KDM4C: variants seen among roughly 807,000 people sequenced by gnomAD.
The protein encoded by KDM4C is lysine-specific demethylase 4C.
A neutral mutation model predicts 129.3 loss-of-function variants in KDM4C; 81 were observed. The observed-to-expected ratio is 0.63, with a 90% CI of 0.52 to 0.75. The LOEUF (loss-of-function observed/expected upper bound fraction) is 0.75, where lower values mean the gene tolerates loss of function less well. Among genes scored for constraint, KDM4C ranks in the 30% least tolerant of loss-of-function variants. KDM4C has a pLI of 0.00. For synonymous variants in KDM4C, 573 were observed against 456.1 expected (o/e 1.26, Z -3.26); for missense variants, 1,457 against 1,304.0 (o/e 1.12, Z -1.81).
chr9:6,878,805 A>C (rs890558855), intron 5 of KDM4C, among the ~76,000 whole-genome samples: 16 of 140,878 alleles, frequency 1.1e-4, no homozygotes, highest in African/African-American at 2.9e-5. Flanking sequence ...CCCCACACCC[A>C]CACCCACACC....
chr9:6,849,408 A>G lies in KDM4C; in HGVS notation c.436-99A>G, dbSNP rs773315246. The G allele has an allele frequency of 1.4e-4, 131 of 960,720 alleles. No individual in the cohort carries two copies. The African/African-American group carries it at 1.4e-3, about 11-fold the overall frequency. 59.5% of individuals were successfully genotyped at this position (960,720 alleles called of 1,614,324 possible). A position where few individuals can be genotyped will look rare whatever the true frequency, so the allele number is the denominator to read the frequency against. On this transcript the variant is annotated intron_variant, in intron 4 of 21. Coordinates refer to ENST00000381309, the MANE Select transcript of KDM4C (RefSeq NM_015061.6). ...AGTTTTCAGTTAGTTAGAATATACA[A>G]TGTAATAATTTTGGTGGATAGTGGT...
rs6477164 is a variant in KDM4C, at chr9:7,143,521, G to A, written c.2781+15285G>A. On this transcript the variant is annotated intron_variant, in intron 19 of 21. Transcript: ENST00000381309. ...CCACAGTTGCGTGCATCAGTAAAGC[G>A]AAATTTACCACCCTCCTTTTATGTG... Among the ~76,000 whole-genome samples, 202 of 152,294 alleles carry A rather than the reference G, an allele frequency of 1.3e-3. 1 individual carries two copies. Among genetic ancestry groups the A allele is most frequent in the African/African-American group, 4.5e-3 (187 of 41,552 alleles).
chr9:6,855,045 A>G (rs968052704), intron 5 of KDM4C, among the ~76,000 whole-genome samples: 9 of 152,344 alleles, frequency 5.9e-5, no homozygotes, highest in Admixed American at 5.2e-4. Flanking sequence ...TGGAGATGTA[A>G]CACAGTGCTC....
intron 8 of KDM4C, among the ~76,000 whole-genome samples, chr9:6,906,332 G>T (rs1052139799): frequency 1.3e-5 from 2 of 152,178 alleles, no homozygotes; most frequent in Admixed American, 1.3e-4. Context: ...ACTCCACAGG[G>T]TAAACCTCTC....
At chr9:6,930,375 T>C (rs1465624162) in intron 8 of KDM4C, among the ~76,000 whole-genome samples, 1 of 152,142 alleles carries the variant, frequency 6.6e-6, no homozygotes, top group Non-Finnish European at 1.5e-5. Flanking sequence ...TATTTTGTAA[T>C]GAGCACCTAA....
intron 3 of KDM4C, among the ~76,000 whole-genome samples, chr9:6,813,776 A>G (rs1272839339): frequency 6.6e-6 from 1 of 152,150 alleles, no homozygotes; most frequent in Non-Finnish European, 1.5e-5. Context: ...TTTCTTTCTA[A>G]TGACTTAATA....
chr9:6,887,863 C>G (rs1845527680), intron 6 of KDM4C, 97 bp from the exon 7 acceptor site: 1 of 763,548 alleles, frequency 1.3e-6, no homozygotes, highest in African/African-American at 1.7e-5. Context: ...TTGCATAAGT[C>G]AAACAGTAAG....
intron 12 of KDM4C, among the ~76,000 whole-genome samples, chr9:7,009,605 A>C (rs1822314358): frequency 6.6e-6 from 1 of 152,186 alleles, no homozygotes; most frequent in African/African-American, 2.4e-5. Context: ...TCATGCTGAG[A>C]CACCAACAAT....
intron 11 of KDM4C, among the ~76,000 whole-genome samples, chr9:6,989,187 A>T (rs1472155195): frequency 6.6e-6 from 1 of 152,180 alleles, no homozygotes; most frequent in East Asian, 1.9e-4. Context: ...TTCTTTTCTT[A>T]TTCCTAGCTT....
chr9:7,155,514 C>A (rs1048391541), intron 19 of KDM4C, among the ~76,000 whole-genome samples: 1 of 152,108 alleles, frequency 6.6e-6, no homozygotes, highest in Non-Finnish European at 1.5e-5. Flanking sequence ...CGCATCCCCC[C>A]ACCCCTCAAC....
intron 15 of KDM4C, among the ~76,000 whole-genome samples, chr9:7,041,150 C>T (rs767067402): frequency 2.0e-5 from 3 of 151,778 alleles, no homozygotes; most frequent in Non-Finnish European, 2.9e-5. Context: ...ATCAGAAATA[C>T]ATTTAGGCCT....
At chr9:6,839,396 GT>G (rs36061484) in intron 4 of KDM4C, among the ~76,000 whole-genome samples, 12,705 of 109,848 alleles carry the variant, frequency 0.12, 618 homozygotes, top group East Asian at 0.23. Context: ...CACCTGGCCA[GT>G]TTTTTTTTTT....
At chr9:6,986,220 T>C (rs1256128662) in intron 10 of KDM4C, 124 bp from the exon 11 acceptor site, 6 of 641,340 alleles carry the variant, frequency 9.4e-6, no homozygotes, top group Non-Finnish European at 1.6e-5. Flanking sequence ...TGTGTGCATG[T>C]ATGTGCATGC....
At chr9:6,772,566 G>C (rs1428793098) in intron 1 of KDM4C, among the ~76,000 whole-genome samples, 1 of 152,118 alleles carries the variant, frequency 6.6e-6, no homozygotes, top group East Asian at 1.9e-4. Context: ...TATCCATGTT[G>C]GTCAGGCTGG....
intron 8 of KDM4C, among the ~76,000 whole-genome samples, chr9:6,919,653 G>A (rs1256924548): frequency 6.6e-6 from 1 of 151,586 alleles, no homozygotes; most frequent in African/African-American, 2.4e-5. Flanking sequence ...TTGGCTCCCT[G>A]CAATCTCCGC....
intron 1 of KDM4C, among the ~76,000 whole-genome samples, chr9:6,724,828 C>T (rs1461426714): frequency 6.6e-6 from 1 of 152,150 alleles, no homozygotes; most frequent in Non-Finnish European, 1.5e-5. Context: ...AGTGTCCGGC[C>T]TCTGGGTGTA....
chr9:6,937,746 C>T (rs532500799), intron 8 of KDM4C, among the ~76,000 whole-genome samples: 1 of 152,122 alleles, frequency 6.6e-6, no homozygotes, highest in South Asian at 2.1e-4. Context: ...GAGTCTTGCT[C>T]TGTCGCCGAG....
chr9:7,171,067 A>G (rs1475030628), intron 21 of KDM4C: 2 of 152,228 alleles, frequency 1.3e-5, no homozygotes, highest in Admixed American at 6.5e-5. Flanking sequence ...TCAGTTGTGT[A>G]TGCAGCTTTT....
chr9:6,930,295 C>G (rs1477667601), intron 8 of KDM4C, among the ~76,000 whole-genome samples: 1 of 152,138 alleles, frequency 6.6e-6, no homozygotes, highest in Non-Finnish European at 1.5e-5. Flanking sequence ...CATTCTGACA[C>G]TATTTCACTG....
Sources: gnomAD v4.1 joint callset for allele counts (sites outside exome capture counted in the v4.1 genomes callset) on GRCh38, gnomAD v4.1.1 for gene constraint, MANE v1.5 for transcripts, NCBI Gene and HGNC (gene_info 2026-07-23, HGNC 2026-07-21) for gene names.